The following RUNDC3B variants were observed in gnomAD, a reference collection of about 807,000 sequenced individuals.
The protein encoded by RUNDC3B is RUN domain containing 3B.
A neutral mutation model predicts 58.4 loss-of-function variants in RUNDC3B; 33 were observed. That is an observed-to-expected ratio of 0.56 (90% CI 0.43 to 0.75). The LOEUF (loss-of-function observed/expected upper bound fraction) is 0.75. Ranked by LOEUF, RUNDC3B falls within the 30% of genes least tolerant of loss-of-function variation. RUNDC3B has a pLI of 0.00. For synonymous variants in RUNDC3B, 193 were observed against 195.2 expected (o/e 0.99, Z 0.10); for missense variants, 501 against 535.7 (o/e 0.94, Z 0.64).
At chr7:87,807,349 C>G (rs1352618239) in intron 8 of RUNDC3B, 24 bp from the exon 9 acceptor site, 2 of 1,611,610 alleles carry the variant, frequency 1.2e-6, no homozygotes, top group Admixed American at 1.7e-5. Flanking sequence ...AAGACAAAAG[C>G]ACTCACCATC....
At chr7:87,824,892 G>A (rs1837714249) in intron 10 of RUNDC3B, among the ~76,000 whole-genome samples, 1 of 152,140 alleles carries the variant, frequency 6.6e-6, no homozygotes, top group Non-Finnish European at 1.5e-5. Context: ...AGGGTATCTG[G>A]TGGAAGAAAT....
At chr7:87,780,511 G>A (rs956724073) in intron 8 of RUNDC3B, among the ~76,000 whole-genome samples, 4 of 151,964 alleles carry the variant, frequency 2.6e-5, no homozygotes, top group Admixed American at 2.6e-4. Context: ...GACATTTGTT[G>A]GATGCATAGT....
chr7:87,657,492 C>T (rs1334712165), intron 2 of RUNDC3B, among the ~76,000 whole-genome samples: 1 of 152,076 alleles, frequency 6.6e-6, no homozygotes, highest in African/African-American at 2.4e-5. Context: ...TAACAGTGTC[C>T]CAGTACCACC....
At chr7:87,730,149 C>T (rs1354695033) in intron 4 of RUNDC3B, among the ~76,000 whole-genome samples, 2 of 152,206 alleles carry the variant, frequency 1.3e-5, no homozygotes, top group Non-Finnish European at 2.9e-5. Flanking sequence ...TGACCCTGCA[C>T]ATTCTCATCT....
intron 8 of RUNDC3B, among the ~76,000 whole-genome samples, chr7:87,783,044 G>T (rs953009518): frequency 2.0e-4 from 31 of 152,094 alleles, no homozygotes; most frequent in African/African-American, 7.2e-4. Flanking sequence ...ATCTAATGCC[G>T]TTAATGGGGT....
In RUNDC3B at chr7:87,700,443, T is replaced by C; in HGVS notation, c.261T>C (p.Tyr87=). The C allele has an allele frequency of 6.2e-7, 1 of 1,612,168 alleles. No homozygotes were observed. Among genetic ancestry groups the C allele is most frequent in the East Asian group, 2.2e-5 (1 of 44,848 alleles). Reference sequence around the variant, plus strand: ...AAGGTCAAGTAACCTGGTTTGGTTATGAAAGTCCTCGTAGCTTCTGGGACT... The same window carrying C: ...AAGGTCAAGTAACCTGGTTTGGTTACGAAAGTCCTCGTAGCTTCTGGGACT... ...RLKGQVTWFG[Y]ESPRSFWDYI... The change falls in exon 3 of 11, where the codon TAT becomes TAC. Residue 87 remains tyrosine (Y), a synonymous_variant. Coordinates refer to ENST00000394654, the MANE Select transcript of RUNDC3B (RefSeq NM_001134405.2).
At chr7:87,668,119 CT>C (rs368910521) in intron 2 of RUNDC3B, among the ~76,000 whole-genome samples, 555 of 137,502 alleles carry the variant, frequency 4.0e-3, no homozygotes, top group African/African-American at 1.0e-2. Context: ...AGGCCCTTGG[CT>C]TTTTTTTTTT....
At chr7:87,764,331 A>C (rs1833859305) in intron 6 of RUNDC3B, among the ~76,000 whole-genome samples, 1 of 151,920 alleles carries the variant, frequency 6.6e-6, no homozygotes, top group African/African-American at 2.4e-5. Flanking sequence ...TGCTTATTTA[A>C]TTTAAAGTAT....
chr7:87,671,654 G>A (rs1298810413), intron 2 of RUNDC3B, among the ~76,000 whole-genome samples: 2 of 152,106 alleles, frequency 1.3e-5, no homozygotes, highest in African/African-American at 4.8e-5. Context: ...CCTGTAAGAG[G>A]TGGGTAGAGA....
intron 4 of RUNDC3B, among the ~76,000 whole-genome samples, chr7:87,723,435 C>T (rs1166749207): frequency 6.6e-6 from 1 of 152,156 alleles, no homozygotes; most frequent in Non-Finnish European, 1.5e-5. Context: ...TAAGTTATAA[C>T]TACCTTATGA....
In RUNDC3B at chr7:87,667,926, G is replaced by C. The variant is rs574852845; in HGVS notation, c.238+16989G>C. Among the ~76,000 whole-genome samples, 31 of 152,180 alleles carry C rather than the reference G, an allele frequency of 2.0e-4. 1 individual carries two copies. In the South Asian group the frequency reaches 6.4e-3, roughly 32 times the overall value. On this transcript the variant is annotated intron_variant, in intron 2 of 10. Coordinates refer to ENST00000394654, the MANE Select transcript of RUNDC3B (RefSeq NM_001134405.2). Reference sequence around the variant, plus strand: ...GGATTTTTGTATTGATGTTCATCAAGGATATCAGCCTGAAATTTTCTTTTT... The same window carrying C: ...GGATTTTTGTATTGATGTTCATCAACGATATCAGCCTGAAATTTTCTTTTT...
intron 1 of RUNDC3B, among the ~76,000 whole-genome samples, chr7:87,642,670 G>A (rs562164816): frequency 6.6e-6 from 1 of 151,952 alleles, no homozygotes; most frequent in Admixed American, 6.6e-5. Flanking sequence ...TAGGGTACAT[G>A]TGCATGAAGC....
At chr7:87,678,861 A>G (rs991871428) in intron 2 of RUNDC3B, among the ~76,000 whole-genome samples, 2 of 152,222 alleles carry the variant, frequency 1.3e-5, no homozygotes, top group Admixed American at 6.5e-5. Context: ...AAAGCAGATT[A>G]ATTTGCCAAG....
At chr7:87,696,590 C>T (rs927769562) in intron 2 of RUNDC3B, among the ~76,000 whole-genome samples, 1 of 152,022 alleles carries the variant, frequency 6.6e-6, no homozygotes, top group South Asian at 2.1e-4. Context: ...GAGAATCTAC[C>T]TTCTCTTGAA....
At chr7:87,649,108 C>T (rs1034378759) in intron 1 of RUNDC3B, among the ~76,000 whole-genome samples, 4 of 151,998 alleles carry the variant, frequency 2.6e-5, no homozygotes, top group Admixed American at 2.0e-4. Context: ...CTGTCTTAGG[C>T]ACTCATATAC....
intron 3 of RUNDC3B, among the ~76,000 whole-genome samples, chr7:87,707,671 CATAAA>C (rs1414553975): frequency 6.6e-6 from 1 of 151,386 alleles, no homozygotes; most frequent in Non-Finnish European, 1.5e-5. Context: ...AAGACCCTGT[CATAAA>C]ATAAAATAAA....
rs534100742 is a variant in RUNDC3B at position 87,724,069 on chromosome 7, A to T, written c.458+13414A>T. Among the ~76,000 whole-genome samples the T allele has an allele frequency of 6.6e-5, 10 of 152,258 alleles. No individual in the cohort carries two copies. In the East Asian group the frequency reaches 1.9e-3, roughly 29 times the overall value. On this transcript the variant is annotated intron_variant, in intron 4 of 10. Coordinates refer to ENST00000394654, the MANE Select transcript of RUNDC3B (RefSeq NM_001134405.2). ...GGATCCCATCTGTAAAAAAAAATTT[A>T]AAAACCACGTGGGTGTGGTAGTGCC...
In RUNDC3B at chr7:87,628,740, C is replaced by A; in HGVS notation, c.-84C>A. The A allele has an allele frequency of 1.2e-6, 1 of 855,670 alleles. No homozygotes were observed. The highest frequency in any genetic ancestry group is 1.6e-6 in the Non-Finnish European group (1 of 634,808). 53.0% of individuals were successfully genotyped at this position (855,670 alleles called of 1,614,324 possible). A position where few individuals can be genotyped will look rare whatever the true frequency, so the allele number is the denominator to read the frequency against. On this transcript the variant is annotated 5_prime_UTR_variant, in exon 1 of 11. Coordinates refer to ENST00000394654, the MANE Select transcript of RUNDC3B (RefSeq NM_001134405.2). ...CATCCTTCCCGCGCCCCCACGGTTG[C>A]GGACCGAGCGAGAACCCCCTTAAGC...
At chr7:87,812,809 T>C (rs1056574355) in intron 9 of RUNDC3B, among the ~76,000 whole-genome samples, 1 of 152,200 alleles carries the variant, frequency 6.6e-6, no homozygotes, top group Non-Finnish European at 1.5e-5. Context: ...TTACTTGCAA[T>C]CTTACTGTGT....
Sources: allele counts gnomAD v4.1 joint callset (sites outside exome capture counted in the v4.1 genomes callset), GRCh38; gene constraint gnomAD v4.1.1; transcripts MANE v1.5; gene names NCBI Gene and HGNC (gene_info 2026-07-23, HGNC 2026-07-21).